Variants in HSD17B12 observed in about 807,000 individuals in gnomAD.
The protein encoded by HSD17B12 is very-long-chain 3-oxoacyl-CoA reductase.
In HSD17B12, 32 loss-of-function variants were observed where a neutral mutation model predicts 39.3. The ratio of observed to expected loss-of-function variants is 0.81; its 90% CI spans 0.61 to 1.09. The LOEUF is 1.09. HSD17B12 is among the 50% of genes least tolerant of loss of function. The pLI is 0.00. For missense variants in HSD17B12, 342 were observed against 382.9 expected (o/e 0.89, Z 0.89); for synonymous variants, 150 against 146.7 (o/e 1.02, Z -0.16).
At chr11:43,668,783 G>A in the HSD17B12 span, among the ~76,000 whole-genome samples, 20 of 152,104 alleles carry the variant, frequency 1.3e-4, no homozygotes, top group African/African-American at 4.1e-4. Flanking sequence ...GCTCACTGCA[G>A]CATCAAACTC....
chr11:43,729,340 A>C (rs1418961171), intron 1 of HSD17B12, among the ~76,000 whole-genome samples: 3 of 152,230 alleles, frequency 2.0e-5, no homozygotes, highest in Non-Finnish European at 4.4e-5. Flanking sequence ...TGTTTTCAAA[A>C]TGTTAAATAG....
the HSD17B12 span, among the ~76,000 whole-genome samples, chr11:43,649,406 AACAC>A: frequency 6.6e-6 from 1 of 152,164 alleles, no homozygotes; most frequent in African/African-American, 2.4e-5. Flanking sequence ...AAGTAAATGA[AACAC>A]ACTCTTATTA....
At chr11:43,756,186 T>C (rs928642657) in intron 3 of HSD17B12, among the ~76,000 whole-genome samples, 4 of 152,166 alleles carry the variant, frequency 2.6e-5, no homozygotes, top group Admixed American at 1.3e-4. Flanking sequence ...CAGCGCCTTA[T>C]TGGAGATTCC....
At chr11:43,794,930 A>T (rs940357690) in intron 3 of HSD17B12, among the ~76,000 whole-genome samples, 8 of 152,202 alleles carry the variant, frequency 5.3e-5, no homozygotes, top group African/African-American at 1.9e-4. Context: ...CAAGGATCAG[A>T]GTCCCAGAAG....
At chr11:43,853,181 C>A (rs1022694683) in intron 9 of HSD17B12, 1 of 151,650 alleles carries the variant, frequency 6.6e-6, no homozygotes, top group Admixed American at 6.6e-5. Flanking sequence ...ACTAAAAATA[C>A]AAAAAATTAG....
the HSD17B12 span, among the ~76,000 whole-genome samples, chr11:43,628,584 A>C: frequency 6.6e-6 from 1 of 152,062 alleles, no homozygotes; most frequent in African/African-American, 2.4e-5. Flanking sequence ...ATGGCTAAAG[A>C]AATGAGAAAT....
Position 43,839,987 on chromosome 11 carries a change from C to T in HSD17B12, c.619-12C>T. 1.2e-6 allele frequency: 2 copies of T among 1,609,790 alleles called. No homozygotes were observed. Among genetic ancestry groups the T allele is most frequent in the Non-Finnish European group, 1.7e-6 (2 of 1,176,888 alleles). ...TGTGTGTGTTTTCTTCTCACTCCCA[C>T]TCCCCTCCCAGACTTTTGTAGATTT... On this transcript the variant is annotated splice_polypyrimidine_tract_variant and intron_variant, in intron 8 of 10. Transcript: ENST00000278353.
the HSD17B12 span, among the ~76,000 whole-genome samples, chr11:43,580,275 C>T: frequency 9.6e-4 from 146 of 151,450 alleles, no homozygotes; most frequent in African/African-American, 3.4e-3. Context: ...TTTCTTCCTC[C>T]CGCAGAAGGT....
At chr11:43,750,127 A>C (rs1280975125) in intron 1 of HSD17B12, among the ~76,000 whole-genome samples, 1 of 151,834 alleles carries the variant, frequency 6.6e-6, no homozygotes, top group African/African-American at 2.4e-5. Flanking sequence ...TATGTACTTA[A>C]GTGTACAGCT....
intron 1 of HSD17B12, among the ~76,000 whole-genome samples, chr11:43,694,218 A>T (rs1349474628): frequency 6.6e-6 from 1 of 152,166 alleles, no homozygotes; most frequent in Non-Finnish European, 1.5e-5. Flanking sequence ...CCAGATGGAG[A>T]TGCAGTGACT....
upstream of HSD17B12, among the ~76,000 whole-genome samples, chr11:43,679,109 G>T (rs554085980): frequency 6.6e-6 from 1 of 152,034 alleles, no homozygotes; most frequent in African/African-American, 2.4e-5. Flanking sequence ...CTTTTATTTC[G>T]TTGAGCAGTG....
chr11:43,617,197 C>A, the HSD17B12 span, among the ~76,000 whole-genome samples: 1 of 152,086 alleles, frequency 6.6e-6, no homozygotes, highest in Non-Finnish European at 1.5e-5. Flanking sequence ...CAAATATGGA[C>A]AAAAGTTGAT....
chr11:43,813,385 AG>A (rs1342237746), intron 4 of HSD17B12, among the ~76,000 whole-genome samples: 1 of 152,182 alleles, frequency 6.6e-6, no homozygotes, highest in Non-Finnish European at 1.5e-5. Context: ...CCCATAGGCT[AG>A]AGGGAAATCT....
At chr11:43,678,651 A>G (rs1283393076), upstream of HSD17B12, among the ~76,000 whole-genome samples, 2 of 152,106 alleles carry the variant, frequency 1.3e-5, no homozygotes, top group Non-Finnish European at 2.9e-5. Context: ...CTTCCTACAT[A>G]TGGCTAGCCA....
the HSD17B12 span, among the ~76,000 whole-genome samples, chr11:43,608,362 CAAA>C: frequency 3.3e-4 from 41 of 123,016 alleles, no homozygotes; most frequent in South Asian, 1.5e-3. Context: ...GACTCTGTCT[CAAA>C]AAAAAAAAAA....
chr11:43,630,470 C>A, the HSD17B12 span, among the ~76,000 whole-genome samples: 85 of 152,218 alleles, frequency 5.6e-4, no homozygotes, highest in African/African-American at 2.0e-3. Flanking sequence ...GCTACTCATG[C>A]CTCTGACTTT....
the HSD17B12 span, among the ~76,000 whole-genome samples, chr11:43,561,220 C>A: frequency 1.3e-5 from 2 of 152,216 alleles, no homozygotes; most frequent in Admixed American, 1.3e-4. Context: ...TGGTTTGATT[C>A]ATGAATAATT....
chr11:43,733,912 G>A (rs1218332840), intron 1 of HSD17B12: 13 of 689,038 alleles, frequency 1.9e-5, no homozygotes, highest in Middle Eastern at 2.4e-4. Flanking sequence ...TGTAGTAGGG[G>A]AAGGGACTCA....
the HSD17B12 span, among the ~76,000 whole-genome samples, chr11:43,662,377 TTGTGTGTGTGTGTGTGTGTGTGTG>T: frequency 7.8e-6 from 1 of 128,478 alleles, no homozygotes; most frequent in South Asian, 2.6e-4. Context: ...TTTATTTTAT[TTGTGTGTGTGTGTGTGTGTGTGTG>T]TGTGTGTGTG....
Sources: allele counts gnomAD v4.1 joint callset (sites outside exome capture counted in the v4.1 genomes callset), GRCh38; gene constraint gnomAD v4.1.1; transcripts MANE v1.5; gene names NCBI Gene and HGNC (gene_info 2026-07-23, HGNC 2026-07-21).